CAMKMT: variants seen among roughly 807,000 people sequenced by gnomAD.
CAMKMT encodes calmodulin-lysine N-methyltransferase, also known as CaM KMT.
A neutral mutation model predicts 48.0 loss-of-function variants in CAMKMT; 53 were observed. That is an observed-to-expected ratio of 1.10 (90% CI 0.89 to 1.39). The LOEUF (loss-of-function observed/expected upper bound fraction) is 1.39. CAMKMT is among the 40% of genes most tolerant of loss of function. CAMKMT has a pLI of 0.00. For missense variants in CAMKMT, 428 were observed against 402.7 expected (o/e 1.06, Z -0.54); for synonymous variants, 165 against 152.3 (o/e 1.08, Z -0.61).
At chr2:44,526,794 C>T (rs1244910806) in intron 3 of CAMKMT, among the ~76,000 whole-genome samples, 2 of 152,146 alleles carry the variant, frequency 1.3e-5, no homozygotes, top group Non-Finnish European at 2.9e-5. Flanking sequence ...ATTTTATCAG[C>T]TATCTGGGAA....
intron 3 of CAMKMT, among the ~76,000 whole-genome samples, chr2:44,482,371 A>G (rs1669016312): frequency 6.6e-6 from 1 of 152,128 alleles, no homozygotes; most frequent in Non-Finnish European, 1.5e-5. Flanking sequence ...ACTTCCAAAA[A>G]TTCTTCAGGA....
intron 3 of CAMKMT, among the ~76,000 whole-genome samples, chr2:44,475,039 A>G (rs1668615935): frequency 1.3e-5 from 2 of 152,212 alleles, no homozygotes; most frequent in Non-Finnish European, 2.9e-5. Flanking sequence ...CTTGATTCTA[A>G]TATTTACCAA....
chr2:44,549,316 A>G (rs115003416), intron 3 of CAMKMT, among the ~76,000 whole-genome samples: 1,973 of 152,142 alleles, frequency 0.013, 15 homozygotes, highest in Non-Finnish European at 0.022. Context: ...CCCAACCCCT[A>G]TGGGAATTCT....
intron 3 of CAMKMT, among the ~76,000 whole-genome samples, chr2:44,420,775 A>G (rs1683883536): frequency 6.6e-6 from 1 of 152,048 alleles, no homozygotes; most frequent in African/African-American, 2.4e-5. Context: ...GCTTTCATTC[A>G]AGATAGAGTA....
At chr2:44,752,272 G>A (rs1231834085) in intron 8 of CAMKMT, among the ~76,000 whole-genome samples, 2 of 148,720 alleles carry the variant, frequency 1.3e-5, no homozygotes, top group Non-Finnish European at 3.0e-5. Flanking sequence ...TGCCATTAAA[G>A]GTATGGCATG....
intron 3 of CAMKMT, among the ~76,000 whole-genome samples, chr2:44,606,549 A>G (rs975337452): frequency 6.6e-6 from 1 of 152,168 alleles, no homozygotes; most frequent in Admixed American, 6.5e-5. Context: ...GAAAAAGAAG[A>G]TGATATGGTG....
intron 2 of CAMKMT, among the ~76,000 whole-genome samples, chr2:44,374,034 AGATT>A (rs1020027938): frequency 6.7e-6 from 1 of 150,142 alleles, no homozygotes; most frequent in Non-Finnish European, 1.5e-5. Flanking sequence ...TGAGGTGGAA[AGATT>A]GATTGAGCCC....
At chr2:44,574,451 A>G (rs948162718) in intron 3 of CAMKMT, among the ~76,000 whole-genome samples, 5 of 152,134 alleles carry the variant, frequency 3.3e-5, no homozygotes, top group African/African-American at 1.2e-4. Context: ...AGTTAGTTAC[A>G]GGAGATGGTT....
chr2:44,641,703 G>A (rs1673461156), intron 3 of CAMKMT, among the ~76,000 whole-genome samples: 1 of 144,492 alleles, frequency 6.9e-6, no homozygotes, highest in Non-Finnish European at 1.5e-5. Flanking sequence ...GACTACAGGT[G>A]CATGTCACCA....
At chr2:44,734,021 T>G (rs1465283424) in intron 7 of CAMKMT, among the ~76,000 whole-genome samples, 2 of 152,042 alleles carry the variant, frequency 1.3e-5, no homozygotes, top group Non-Finnish European at 2.9e-5. Flanking sequence ...CAGTGTTTGG[T>G]TTCATTGATT....
At chr2:44,733,258 T>G (rs1478684866) in intron 7 of CAMKMT, among the ~76,000 whole-genome samples, 1 of 152,216 alleles carries the variant, frequency 6.6e-6, no homozygotes, top group African/African-American at 2.4e-5. Context: ...GTGTTTCATA[T>G]TTTTATGCTA....
At chr2:44,661,967 G>A (rs1289915777) in intron 3 of CAMKMT, among the ~76,000 whole-genome samples, 2 of 152,142 alleles carry the variant, frequency 1.3e-5, no homozygotes, top group Non-Finnish European at 2.9e-5. Flanking sequence ...ATTAGATTAT[G>A]CCTTCACCTA....
intron 3 of CAMKMT, among the ~76,000 whole-genome samples, chr2:44,542,740 G>C (rs900313462): frequency 5.3e-5 from 8 of 152,106 alleles, no homozygotes; most frequent in Admixed American, 3.9e-4. Flanking sequence ...CCTAGAAGCA[G>C]GGACAGTATT....
chr2:44,650,114 A>G (rs922919441), intron 3 of CAMKMT, among the ~76,000 whole-genome samples: 2 of 152,172 alleles, frequency 1.3e-5, no homozygotes, highest in African/African-American at 4.8e-5. Flanking sequence ...CAACAAAATT[A>G]TTCTTTCACA....
chr2:44,520,334 T>A (rs1426260818), intron 3 of CAMKMT, among the ~76,000 whole-genome samples: 2 of 152,116 alleles, frequency 1.3e-5, no homozygotes, highest in Non-Finnish European at 2.9e-5. Context: ...AGGGAGATCC[T>A]CTTATCTATC....
At chr2:44,399,541 T>C (rs1298650258) in intron 3 of CAMKMT, among the ~76,000 whole-genome samples, 1 of 152,048 alleles carries the variant, frequency 6.6e-6, no homozygotes, top group East Asian at 1.9e-4. Context: ...ACAGATTTGT[T>C]ACCATTTCCC....
At chr2:44,495,257 A>G (rs1049051977) in intron 3 of CAMKMT, among the ~76,000 whole-genome samples, 5 of 151,976 alleles carry the variant, frequency 3.3e-5, no homozygotes, top group African/African-American at 7.3e-5. Context: ...CCTCCTGCCT[A>G]CGCCTCCTGA....
chr2:44,524,659 C>G (rs1671305757), intron 3 of CAMKMT, among the ~76,000 whole-genome samples: 1 of 152,100 alleles, frequency 6.6e-6, no homozygotes, highest in Non-Finnish European at 1.5e-5. Context: ...CTATGCCTTA[C>G]TTCATGCTCC....
At chr2:44,570,345 A>C (rs1347831288) in intron 3 of CAMKMT, among the ~76,000 whole-genome samples, 2 of 152,178 alleles carry the variant, frequency 1.3e-5, no homozygotes, top group East Asian at 3.8e-4. Flanking sequence ...GTTATGGGAG[A>C]ATGATAGATG....
Sources: allele counts gnomAD v4.1 joint callset (sites outside exome capture counted in the v4.1 genomes callset), GRCh38; gene constraint gnomAD v4.1.1; transcripts MANE v1.5; gene names NCBI Gene and HGNC (gene_info 2026-07-23, HGNC 2026-07-21).